WASHC5: variants seen among roughly 807,000 people sequenced by gnomAD.
The protein encoded by WASHC5 is WASH complex subunit strumpellin.
A neutral mutation model predicts 150.4 loss-of-function variants in WASHC5; 101 were observed. The ratio of observed to expected loss-of-function variants is 0.67; its 90% CI spans 0.57 to 0.79. The LOEUF (loss-of-function observed/expected upper bound fraction) is 0.79, where lower values mean the gene tolerates loss of function less well. Among genes scored for constraint, WASHC5 ranks in the 30% least tolerant of loss-of-function variants. The pLI is 0.00. For synonymous variants in WASHC5, 467 were observed against 491.2 expected (o/e 0.95, Z 0.65); for missense variants, 1,195 against 1,396.3 (o/e 0.86, Z 2.30).
Position 125,081,757 on chromosome 8 carries a change from T to G in WASHC5, c.422A>C (p.Glu141Ala). 6.3e-7 allele frequency: 1 copy of G among 1,596,662 alleles called. No homozygotes were observed. The highest frequency in any genetic ancestry group is 8.6e-7 in the Non-Finnish European group (1 of 1,164,328). ...CATAACTCCATATAAGTACAGTGCTTCACACTAAGAAGAGAAGAGGACAAA... is the reference window on the plus strand; with the variant it reads ...CATAACTCCATATAAGTACAGTGCTGCACACTAAGAAGAGAAGAGGACAAA... ...LNEDGKQLLC[E>A]ALYLYGVMLL... The change falls in exon 5 of 29, where the codon GAA (glutamate) becomes GCA (alanine). Residue 141 changes from glutamate (E) to alanine (A), a missense_variant. This residue lies in a region of WASHC5 where 195 missense variants were observed against 206.9 expected (regional missense o/e 0.94). Coordinates refer to ENST00000318410, the MANE Select transcript of WASHC5 (RefSeq NM_014846.4).
chr8:125,080,296 G>A (rs1817211425), intron 5 of WASHC5, among the ~76,000 whole-genome samples: 1 of 152,150 alleles, frequency 6.6e-6, no homozygotes, highest in Non-Finnish European at 1.5e-5. Flanking sequence ...TTTACACTGT[G>A]TATAGTTTTT....
chr8:125,083,902 G>A lies in WASHC5; in HGVS notation c.-4C>T. The A allele has an allele frequency of 6.2e-7, 1 of 1,613,102 alleles. No individual in the cohort carries two copies. Among genetic ancestry groups the A allele is most frequent in the Non-Finnish European group, 8.5e-7 (1 of 1,179,498 alleles). ...TCTCGGCTAGAAAGTCCAACATTGT[G>A]AGGCGGACCGACTACTCTGTGCCTG... On this transcript the variant is annotated 5_prime_UTR_variant, in exon 2 of 29. Coordinates refer to ENST00000318410, the MANE Select transcript of WASHC5 (RefSeq NM_014846.4).
At position 125,032,372 on chromosome 8, in the gene WASHC5, G is replaced by A. The variant is rs749031039; in HGVS notation, c.3204C>T (p.Thr1068=). 59 of 1,613,932 alleles carry A rather than the reference G, an allele frequency of 3.7e-5. No individual in the cohort carries two copies. In the East Asian group the frequency reaches 1.1e-3, roughly 30 times the overall value. The stretch of plus-strand genomic sequence containing the variant: ...CAAGTGGTGGCCAATCAACCGGGTC[G>A]GTCGGTTTTCGGCAGACCATTCCTG... ...KNLGMVCRKP[T]DPVDWPPLVL... Residue 1068 remains threonine (T), a synonymous_variant, in exon 27 of 29, where the codon ACC becomes ACT. Transcript: ENST00000318410.
intron 8 of WASHC5, among the ~76,000 whole-genome samples, chr8:125,074,150 G>T (rs1370256331): frequency 6.6e-6 from 1 of 151,552 alleles, no homozygotes; most frequent in Non-Finnish European, 1.5e-5. Context: ...GAAATCTGTG[G>T]TATCAAGAAA....
At position 125,063,557 on chromosome 8, in the gene WASHC5, G is replaced by T; in HGVS notation, c.1373C>A (p.Ser458Ter). Reference protein sequence around the residue: ...ERMTELADVFSGVKPLTRVEK... With the variant: ...ERMTELADVF ...CACTCTGGTTAGGGGTTTCACTCCTGAAAAGACATCAGCAAGCTCAGTCAT... is the reference window on the plus strand; with the variant it reads ...CACTCTGGTTAGGGGTTTCACTCCTTAAAAGACATCAGCAAGCTCAGTCAT... Residue 458 changes from serine to a stop codon, truncating the protein, a stop_gained, in exon 11 of 29, where the codon TCA becomes TAA. Transcript: ENST00000318410. LOFTEE classifies it high-confidence loss of function. 1.2e-6 allele frequency: 2 copies of T among 1,613,896 alleles called. No homozygotes were observed. Among genetic ancestry groups the T allele is most frequent in the South Asian group, 1.1e-5 (1 of 91,058 alleles).
rs1424790408 is a variant in WASHC5 at position 125,047,203 on chromosome 8, C to T, written c.2504+4G>A. 1.9e-6 allele frequency: 3 copies of T among 1,613,956 alleles called. No individual in the cohort carries two copies. The highest frequency in any genetic ancestry group is 2.5e-6 in the Non-Finnish European group (3 of 1,179,902). ...AGGGCTCTGTAGAATTCAGGTACAC[C>T]TACTTTGGGTCTGTGATCCGCAGGA... On this transcript the variant is annotated splice_donor_region_variant and intron_variant, in intron 20 of 28. Transcript: ENST00000318410.
intron 10 of WASHC5, among the ~76,000 whole-genome samples, chr8:125,067,194 TA>T (rs1359772394): frequency 6.6e-6 from 1 of 152,194 alleles, no homozygotes; most frequent in African/African-American, 2.4e-5. Flanking sequence ...TTTGTATTTT[TA>T]GTAGAGATGA....
chr8:125,076,288 G>T, intron 7 of WASHC5, 60 bp downstream of exon 7: 2 of 1,525,512 alleles, frequency 1.3e-6, no homozygotes, highest in Non-Finnish European at 1.8e-6. Flanking sequence ...AAGGCCAAAA[G>T]AATGGGAAGT....
At chr8:125,051,314 G>A (rs560858129) in intron 17 of WASHC5, among the ~76,000 whole-genome samples, 1 of 152,208 alleles carries the variant, frequency 6.6e-6, no homozygotes, top group South Asian at 2.1e-4. Context: ...AACATCAAAT[G>A]ATTTTTACAT....
rs377028361 is a variant in WASHC5 at position 125,032,276 on chromosome 8, G to A, written c.3300C>T (p.Gly1100=). The stretch of plus-strand genomic sequence containing the variant: ...GCTCCACCGTGGAGCAGATAAACTG[G>A]CCAATCAGCGCCAGGAACTGCTCGG... ...RYTEQFLALI[G]QFICSTVEQC... is the part of the protein sequence containing the mutation. Residue 1100 remains glycine (G), a synonymous_variant, in exon 27 of 29, where the codon GGC becomes GGT. Coordinates refer to ENST00000318410, the MANE Select transcript of WASHC5 (RefSeq NM_014846.4). 1.2e-6 allele frequency: 2 copies of A among 1,614,142 alleles called. No homozygotes were observed. The highest frequency in any genetic ancestry group is 1.7e-6 in the Non-Finnish European group (2 of 1,180,010).
chr8:125,040,819 T>A (rs1815862295), intron 23 of WASHC5: 1 of 152,204 alleles, frequency 6.6e-6, no homozygotes, highest in African/African-American at 2.4e-5. Context: ...AATTACCCAG[T>A]CTTGAGTATG....
Position 125,044,649 on chromosome 8 carries a change from G to A in WASHC5, c.2554C>T (p.His852Tyr), listed in dbSNP as rs768132415. The A allele has an allele frequency of 6.2e-6, 10 of 1,614,088 alleles. No individual in the cohort carries two copies. In the East Asian group the frequency reaches 1.8e-4, roughly 29 times the overall value. Reference protein sequence around the residue: ...QLNTWYDMKTHQEVTSSRLFS... With the variant: ...QLNTWYDMKTYQEVTSSRLFS... ...AGGCGGCTGCTGGTCACTTCCTGAT[G>A]AGTTTTCATATCATACCAAGTGTTC... The change falls in exon 21 of 29, where the codon CAT (histidine) becomes TAT (tyrosine). Residue 852 changes from histidine to tyrosine, a missense_variant. Coordinates refer to ENST00000318410, the MANE Select transcript of WASHC5 (RefSeq NM_014846.4).
intron 1 of WASHC5, among the ~76,000 whole-genome samples, chr8:125,090,964 G>A (rs1817603186): frequency 6.6e-6 from 1 of 152,188 alleles, no homozygotes; most frequent in South Asian, 2.1e-4. Context: ...CCCTTGTAGT[G>A]CACAAAGACA....
intron 9 of WASHC5, among the ~76,000 whole-genome samples, chr8:125,069,989 G>C (rs1457503241): frequency 6.6e-6 from 1 of 152,146 alleles, no homozygotes; most frequent in East Asian, 1.9e-4. Flanking sequence ...TTAGCTTCTT[G>C]GTATAAACCA....
intron 22 of WASHC5, 25 bp from the exon 23 acceptor site, chr8:125,043,929 T>C: frequency 6.3e-7 from 1 of 1,599,444 alleles, no homozygotes; most frequent in South Asian, 1.1e-5. Context: ...CATAATTTTC[T>C]CTTTAGTACA....
chr8:125,043,329 C>T (rs1815950654), intron 23 of WASHC5, among the ~76,000 whole-genome samples: 1 of 150,452 alleles, frequency 6.6e-6, no homozygotes, highest in Admixed American at 6.6e-5. Flanking sequence ...AAATTAATCT[C>T]TTCGTCTTTC....
intron 26 of WASHC5, among the ~76,000 whole-genome samples, chr8:125,036,215 T>C (rs1586337184): frequency 1.3e-5 from 2 of 152,240 alleles, no homozygotes; most frequent in South Asian, 4.1e-4. Context: ...AGCTGGCACA[T>C]GCATCCTGTT....
At chr8:125,072,570 C>T (rs1471912949) in intron 9 of WASHC5, among the ~76,000 whole-genome samples, 1 of 152,070 alleles carries the variant, frequency 6.6e-6, no homozygotes, top group Non-Finnish European at 1.5e-5. Context: ...GATGGGATCT[C>T]ACTGTGTTAC....
chr8:125,084,329 T>C (rs1185878672), intron 1 of WASHC5, among the ~76,000 whole-genome samples: 1 of 152,228 alleles, frequency 6.6e-6, no homozygotes, highest in East Asian at 1.9e-4. Flanking sequence ...TGTACCCTGA[T>C]TATACAAGCT....
Sources: gnomAD v4.1 joint callset for allele counts (sites outside exome capture counted in the v4.1 genomes callset) on GRCh38, gnomAD v4.1.1 for gene constraint, gnomAD v4.1.1 regional missense constraint, MANE v1.5 for transcripts, NCBI Gene and HGNC (gene_info 2026-07-23, HGNC 2026-07-21) for gene names.